RUNDC3B: variants seen among roughly 807,000 people sequenced by gnomAD.
The protein encoded by RUNDC3B is RUN domain containing 3B.
RUNDC3B carries 33 observed loss-of-function variants against 58.4 expected under a neutral mutation model. The observed-to-expected ratio is 0.56, with a 90% CI of 0.43 to 0.75. The LOEUF is 0.75. Ranked by LOEUF, RUNDC3B falls within the 30% of genes least tolerant of loss-of-function variation. The probability of loss-of-function intolerance (pLI) is 0.00; values close to 1 mark genes in which losing one functional copy is unlikely to be tolerated. For synonymous variants in RUNDC3B, 193 were observed against 195.2 expected (o/e 0.99, Z 0.10); for missense variants, 501 against 535.7 (o/e 0.94, Z 0.64).
At chr7:87,656,062 G>C (rs1824072010) in intron 2 of RUNDC3B, among the ~76,000 whole-genome samples, 1 of 151,982 alleles carries the variant, frequency 6.6e-6, no homozygotes, top group Non-Finnish European at 1.5e-5. Flanking sequence ...CCAGCCTCTA[G>C]AACTATGAGA....
intron 4 of RUNDC3B, among the ~76,000 whole-genome samples, chr7:87,734,976 T>C (rs1831841769): frequency 6.6e-6 from 1 of 152,200 alleles, no homozygotes; most frequent in South Asian, 2.1e-4. Flanking sequence ...TCTGCTTTTT[T>C]TCCTCTGTTC....
At chr7:87,724,669 A>G (rs1380938679) in intron 4 of RUNDC3B, among the ~76,000 whole-genome samples, 6 of 152,200 alleles carry the variant, frequency 3.9e-5, no homozygotes, top group Non-Finnish European at 7.4e-5. Context: ...ATCCATACAT[A>G]CAGCCAGGTT....
At chr7:87,670,888 G>A (rs1248973029) in intron 2 of RUNDC3B, among the ~76,000 whole-genome samples, 1 of 152,182 alleles carries the variant, frequency 6.6e-6, no homozygotes, top group Non-Finnish European at 1.5e-5. Flanking sequence ...TTCTGAAAGT[G>A]TGAGTTTCTC....
chr7:87,694,107 T>G (rs1828280451), intron 2 of RUNDC3B: 4 of 1,445,830 alleles, frequency 2.8e-6, no homozygotes, highest in African/African-American at 2.9e-5. Flanking sequence ...TTTGTTTTTT[T>G]TTTTTAATCC....
At chr7:87,762,334 A>G (rs112359986) in intron 6 of RUNDC3B, among the ~76,000 whole-genome samples, 2 of 151,460 alleles carry the variant, frequency 1.3e-5, no homozygotes, top group East Asian at 1.9e-4. Flanking sequence ...ACAATAGTAT[A>G]TTATCTTAAT....
rs755106285 is a variant in RUNDC3B at position 87,739,884 on chromosome 7, C to T, written c.548+4C>T. ...GACTCAATGCTATTGATTTCAGGTACTTAACCAAATGCATTCAGTTTTTAA... is the reference window on the plus strand; with the variant it reads ...GACTCAATGCTATTGATTTCAGGTATTTAACCAAATGCATTCAGTTTTTAA... On this transcript the variant is annotated splice_donor_region_variant and intron_variant, in intron 5 of 10. Transcript: ENST00000394654. The T allele has an allele frequency of 1.4e-6, 2 of 1,468,580 alleles. No homozygotes were observed. Among genetic ancestry groups the T allele is most frequent in the South Asian group, 1.3e-5 (1 of 79,092 alleles). 91.0% of individuals were successfully genotyped at this position (1,468,580 alleles called of 1,614,324 possible). A position where few individuals can be genotyped will look rare whatever the true frequency, so the allele number is the denominator to read the frequency against.
At chr7:87,742,008 A>G (rs1313393909) in intron 6 of RUNDC3B, among the ~76,000 whole-genome samples, 3 of 152,194 alleles carry the variant, frequency 2.0e-5, no homozygotes, top group East Asian at 1.9e-4. Context: ...AGCTATCCAG[A>G]TAAATTATCT....
At chr7:87,673,634 C>T (rs780401233) in intron 2 of RUNDC3B, among the ~76,000 whole-genome samples, 5 of 152,190 alleles carry the variant, frequency 3.3e-5, no homozygotes, top group Non-Finnish European at 7.3e-5. Flanking sequence ...TCCTTAGATT[C>T]CTTGGATTGA....
chr7:87,661,139 A>G (rs890813408), intron 2 of RUNDC3B, among the ~76,000 whole-genome samples: 5 of 152,044 alleles, frequency 3.3e-5, no homozygotes, highest in African/African-American at 9.7e-5. Flanking sequence ...TTTTATGGGT[A>G]CATAGTAGGT....
intron 8 of RUNDC3B, among the ~76,000 whole-genome samples, chr7:87,778,598 A>C (rs1033802982): frequency 1.3e-5 from 2 of 152,206 alleles, no homozygotes; most frequent in African/African-American, 4.8e-5. Flanking sequence ...GATTGATTAC[A>C]AATAGATGGT....
At chr7:87,828,006 T>C (rs769375574) in intron 10 of RUNDC3B, among the ~76,000 whole-genome samples, 4 of 151,996 alleles carry the variant, frequency 2.6e-5, no homozygotes, top group Non-Finnish European at 4.4e-5. Flanking sequence ...AAGCAATAAA[T>C]GTATAAAGTA....
intron 10 of RUNDC3B, among the ~76,000 whole-genome samples, chr7:87,820,326 T>C (rs1220197312): frequency 6.6e-6 from 1 of 152,072 alleles, no homozygotes; most frequent in African/African-American, 2.4e-5. Context: ...CACCATCCCA[T>C]GACTAAACCA....
intron 6 of RUNDC3B, among the ~76,000 whole-genome samples, chr7:87,750,579 T>C (rs1286970914): frequency 1.3e-5 from 2 of 152,210 alleles, no homozygotes; most frequent in Admixed American, 1.3e-4. Flanking sequence ...TTCTAAATGG[T>C]GTCAGATGGT....
At position 87,749,958 on chromosome 7, in the gene RUNDC3B, A is replaced by G. The variant is rs1192232181; in HGVS notation, c.629+8379A>G. 3.0e-4 allele frequency among the ~76,000 whole-genome samples: 45 copies of G among 151,954 alleles called. No individual in the cohort carries two copies. In the East Asian group the frequency reaches 7.9e-3, roughly 27 times the overall value. On this transcript the variant is annotated intron_variant, in intron 6 of 10. Coordinates refer to ENST00000394654, the MANE Select transcript of RUNDC3B (RefSeq NM_001134405.2). ...TTACTTACATATGTATACATGTGCC[A>G]TGCTGGTGTGCTGCACCCACTAACT...
chr7:87,770,498 A>T (rs1029142123), intron 6 of RUNDC3B, 83 bp from the exon 7 acceptor site: 1 of 1,039,446 alleles, frequency 9.6e-7, no homozygotes, highest in Middle Eastern at 2.7e-4. Context: ...GAATTTGTTC[A>T]CCGTAGCTTG....
At chr7:87,763,252 T>G (rs1260571194) in intron 6 of RUNDC3B, among the ~76,000 whole-genome samples, 1 of 151,700 alleles carries the variant, frequency 6.6e-6, no homozygotes, top group Non-Finnish European at 1.5e-5. Context: ...GTCCCGAATT[T>G]TACATTTGTC....
intron 4 of RUNDC3B, among the ~76,000 whole-genome samples, chr7:87,727,250 G>C (rs528466179): frequency 1.1e-4 from 16 of 152,036 alleles, no homozygotes; most frequent in Non-Finnish European, 2.1e-4. Flanking sequence ...TTATTATTTT[G>C]AGTTACGTCC....
At chr7:87,795,680 C>G (rs1835776514) in intron 8 of RUNDC3B, among the ~76,000 whole-genome samples, 1 of 151,302 alleles carries the variant, frequency 6.6e-6, no homozygotes, top group Non-Finnish European at 1.5e-5. Context: ...GAGTTTGAGA[C>G]CAGCCTGGCC....
intron 10 of RUNDC3B, among the ~76,000 whole-genome samples, chr7:87,821,213 T>C (rs964566538): frequency 9.9e-5 from 15 of 151,976 alleles, no homozygotes; most frequent in Non-Finnish European, 2.9e-5. Context: ...AAAATCAATG[T>C]ACAAAACTCA....
Sources: allele counts gnomAD v4.1 joint callset (sites outside exome capture counted in the v4.1 genomes callset), GRCh38; gene constraint gnomAD v4.1.1; transcripts MANE v1.5; gene names NCBI Gene and HGNC (gene_info 2026-07-23, HGNC 2026-07-21).